Variants in LNX2 observed in about 807,000 individuals in gnomAD.
LNX2 encodes ligand of numb-protein X 2, also known as ligand of Numb protein X 2.
LNX2 carries 35 observed loss-of-function variants against 66.2 expected under a neutral mutation model. That is an observed-to-expected ratio of 0.53 (90% CI 0.40 to 0.70). The LOEUF is 0.70. Among genes scored for constraint, LNX2 ranks in the 30% least tolerant of loss-of-function variants. The pLI is 0.00. For missense variants in LNX2, 791 were observed against 850.8 expected (o/e 0.93, Z 0.87); for synonymous variants, 337 against 315.6 (o/e 1.07, Z -0.72).
rs372746847 is a variant in LNX2, at chr13:27,604,596, CT to C, written c.-101+15778del. 2.6e-3 allele frequency among the ~76,000 whole-genome samples: 394 copies of C among 152,202 alleles called. 1 individual carries two copies. The highest frequency in any genetic ancestry group is 8.9e-3 in the African/African-American group (371 of 41,528). On this transcript the variant is annotated intron_variant, in intron 1 of 9. Coordinates refer to ENST00000316334, the MANE Select transcript of LNX2 (RefSeq NM_153371.4). Reference sequence around the variant, plus strand: ...TATATATGGTAGAAGAGATTACACACTTTTTTTCTTACTCTTATCTGTTTTT... The same window carrying C: ...TATATATGGTAGAAGAGATTACACACTTTTTTCTTACTCTTATCTGTTTTT...
Position 27,556,400 on chromosome 13 carries a change from C to T in LNX2, c.1382G>A (p.Cys461Tyr). Reference protein sequence around the residue: ...RPSSHKDLTQCVTCQEKHITV... With the variant: ...RPSSHKDLTQYVTCQEKHITV... ...AATGTGTTTTTCTTGGCATGTAACA[C>T]ACTGAGTAAGATCCTAAAACATACA... The change falls in exon 7 of 10, where the codon TGT becomes TAT. Residue 461 changes from cysteine to tyrosine, a missense_variant. Physicochemically the swap from Cys to Tyr is radical, Grantham distance 194 (BLOSUM62 -2). Transcript: ENST00000316334. The T allele has an allele frequency of 6.2e-7, 1 of 1,613,606 alleles. No individual in the cohort carries two copies. The highest frequency in any genetic ancestry group is 8.5e-7 in the Non-Finnish European group (1 of 1,179,768).
chr13:27,583,764 A>T (rs1357026198), intron 1 of LNX2, among the ~76,000 whole-genome samples: 1 of 152,222 alleles, frequency 6.6e-6, no homozygotes, highest in Non-Finnish European at 1.5e-5. Context: ...ACATCGAGAC[A>T]GAAGAGGTAG....
chr13:27,553,746 C>T (rs1486107836), intron 7 of LNX2, among the ~76,000 whole-genome samples: 1 of 152,136 alleles, frequency 6.6e-6, no homozygotes, highest in African/African-American at 2.4e-5. Flanking sequence ...AGGCCCTGGG[C>T]AGGTTCATTT....
intron 1 of LNX2, among the ~76,000 whole-genome samples, chr13:27,608,177 C>G (rs1301631967): frequency 1.3e-5 from 2 of 152,232 alleles, no homozygotes; most frequent in Admixed American, 6.5e-5. Flanking sequence ...GACCTGCAGT[C>G]ATGAAAAGGC....
Position 27,562,533 on chromosome 13 carries a change from G to A in LNX2, c.1104C>T (p.Asp368=), listed in dbSNP as rs750718664. The A allele has an allele frequency of 6.2e-7, 1 of 1,614,098 alleles. No individual in the cohort carries two copies. The highest frequency in any genetic ancestry group is 1.1e-5 in the South Asian group (1 of 91,080). Reference sequence around the variant, plus strand: ...GGGCAGCCAACCCCCCTTCCAACAGGTCAAGAATAAAAACCCCTGGCTCAT... The same window carrying A: ...GGGCAGCCAACCCCCCTTCCAACAGATCAAGAATAAAAACCCCTGGCTCAT... ...RTDEPGVFIL[D]LLEGGLAAQD... The change falls in exon 5 of 10, where the codon GAC becomes GAT. Residue 368 remains aspartate, a synonymous_variant. Coordinates refer to ENST00000316334, the MANE Select transcript of LNX2 (RefSeq NM_153371.4).
chr13:27,555,636 TGA>T (rs1210390438), intron 7 of LNX2, among the ~76,000 whole-genome samples: 1 of 152,218 alleles, frequency 6.6e-6, no homozygotes, highest in East Asian at 1.9e-4. Context: ...GCATCCATTA[TGA>T]TTTAATTTGT....
intron 4 of LNX2, among the ~76,000 whole-genome samples, chr13:27,564,901 G>A (rs569971148): frequency 1.2e-3 from 183 of 152,266 alleles, no homozygotes; most frequent in African/African-American, 4.2e-3. Flanking sequence ...ATGTGGGAAA[G>A]GGGGGTGGCT....
intron 1 of LNX2, among the ~76,000 whole-genome samples, chr13:27,600,392 A>G (rs187417318): frequency 1.3e-5 from 2 of 152,344 alleles, no homozygotes; most frequent in East Asian, 1.9e-4. Context: ...AAAAGCATGC[A>G]TATCAGGAGT....
At chr13:27,586,075 T>C (rs867450224) in intron 1 of LNX2, among the ~76,000 whole-genome samples, 1 of 148,986 alleles carries the variant, frequency 6.7e-6, no homozygotes, top group African/African-American at 2.4e-5. Context: ...AGGCAGTACA[T>C]ATATCTATAT....
intron 1 of LNX2, among the ~76,000 whole-genome samples, chr13:27,608,923 G>A (rs1187627320): frequency 5.3e-5 from 8 of 151,712 alleles, no homozygotes; most frequent in African/African-American, 1.9e-4. Context: ...TCTTGCCTCA[G>A]CCTCCAGAGT....
At chr13:27,577,788 A>G (rs1955355156) in intron 2 of LNX2, among the ~76,000 whole-genome samples, 1 of 152,252 alleles carries the variant, frequency 6.6e-6, no homozygotes. Context: ...TTTAAAAACA[A>G]CAACAACAAC....
chr13:27,618,887 A>C (rs143003232), intron 1 of LNX2, among the ~76,000 whole-genome samples: 2 of 152,336 alleles, frequency 1.3e-5, no homozygotes, highest in African/African-American at 4.8e-5. Flanking sequence ...CTAAGTGCCT[A>C]CGTAACACCT....
chr13:27,556,145 A>T, intron 7 of LNX2, 91 bp downstream of exon 7: 1 of 1,242,328 alleles, frequency 8.0e-7, no homozygotes, highest in Non-Finnish European at 1.1e-6. Flanking sequence ...AGTCATGTTT[A>T]ATAGATACTT....
chr13:27,554,594 T>C (rs1262988302), intron 7 of LNX2, among the ~76,000 whole-genome samples: 1 of 152,244 alleles, frequency 6.6e-6, no homozygotes, highest in African/African-American at 2.4e-5. Context: ...AATCATATTT[T>C]GCTGTATGGG....
intron 1 of LNX2, among the ~76,000 whole-genome samples, chr13:27,607,452 G>GT (rs1278273671): frequency 6.6e-6 from 1 of 152,122 alleles, no homozygotes; most frequent in Non-Finnish European, 1.5e-5. Context: ...TCTTTATAAG[G>GT]TAACACAGAT....
intron 1 of LNX2, among the ~76,000 whole-genome samples, chr13:27,616,187 TG>T (rs58265063): frequency 0.028 from 2,502 of 90,840 alleles, 44 homozygotes; most frequent in African/African-American, 0.089. Flanking sequence ...GGTGGGGGGT[TG>T]GGGGGGGTAG....
intron 1 of LNX2, among the ~76,000 whole-genome samples, chr13:27,608,685 G>A (rs971004269): frequency 6.6e-6 from 1 of 152,010 alleles, no homozygotes; most frequent in Non-Finnish European, 1.5e-5. Flanking sequence ...TTGAGATATT[G>A]CTAAATTTTA....
chr13:27,603,485 TATG>T (rs1214914843), intron 1 of LNX2, among the ~76,000 whole-genome samples: 1 of 152,164 alleles, frequency 6.6e-6, no homozygotes, highest in African/African-American at 2.4e-5. Context: ...TTGGATATAT[TATG>T]ATATTTTTCA....
intron 1 of LNX2, among the ~76,000 whole-genome samples, chr13:27,586,347 A>G (rs1955486961): frequency 6.6e-6 from 1 of 152,180 alleles, no homozygotes; most frequent in South Asian, 2.1e-4. Context: ...GCTTTAGAGT[A>G]TGAGTTTTGG....
Sources: allele counts gnomAD v4.1 joint callset (sites outside exome capture counted in the v4.1 genomes callset), GRCh38; gene constraint gnomAD v4.1.1; transcripts MANE v1.5; gene names NCBI Gene and HGNC (gene_info 2026-07-23, HGNC 2026-07-21).